KCNMA1: variants seen among roughly 807,000 people sequenced by gnomAD.
KCNMA1 encodes Calcium-activated potassium channel subunit alpha-1.
In KCNMA1, 29 loss-of-function variants were observed where a neutral mutation model predicts 140.0. The observed-to-expected ratio is 0.21, with a 90% CI of 0.15 to 0.28. KCNMA1 has a LOEUF of 0.28. Among genes scored for constraint, KCNMA1 ranks in the 10% least tolerant of loss-of-function variants. The pLI is 1.00. For synonymous variants in KCNMA1, 612 were observed against 611.9 expected (o/e 1.00, Z 0.00); for missense variants, 880 against 1,602.2 (o/e 0.55, Z 7.70).
At chr10:77,561,196 T>C (rs2066277070) in intron 1 of KCNMA1, among the ~76,000 whole-genome samples, 1 of 152,120 alleles carries the variant, frequency 6.6e-6, no homozygotes, top group South Asian at 2.1e-4. Context: ...TTGTCAAGCA[T>C]TGTGCTATGG....
chr10:77,124,527 AG>A (rs1168819981), intron 5 of KCNMA1, among the ~76,000 whole-genome samples: 10 of 152,094 alleles, frequency 6.6e-5, no homozygotes, highest in African/African-American at 2.4e-4. Context: ...ACTGGCTTGC[AG>A]GAGAATCATT....
intron 18 of KCNMA1, among the ~76,000 whole-genome samples, chr10:77,009,792 C>T (rs1159276107): frequency 1.3e-5 from 2 of 152,274 alleles, no homozygotes; most frequent in East Asian, 3.9e-4. Flanking sequence ...TTGGCCTCAA[C>T]ATCACCCCTG....
chr10:77,496,676 A>T (rs144632091), intron 1 of KCNMA1, among the ~76,000 whole-genome samples: 1 of 142,106 alleles, frequency 7.0e-6, no homozygotes, highest in Admixed American at 7.0e-5. Context: ...GCTATATACC[A>T]TGTTTGTTTA....
intron 1 of KCNMA1, among the ~76,000 whole-genome samples, chr10:77,574,813 A>G (rs1307628049): frequency 1.3e-5 from 2 of 152,176 alleles, no homozygotes; most frequent in Non-Finnish European, 2.9e-5. Context: ...GTGCCATATA[A>G]TTTTGCCTCT....
intron 1 of KCNMA1, among the ~76,000 whole-genome samples, chr10:77,408,460 G>A (rs1012645270): frequency 1.1e-4 from 17 of 151,732 alleles, no homozygotes; most frequent in Non-Finnish European, 2.1e-4. Context: ...GTGTGTGTGC[G>A]TTTGTGTGCA....
Position 77,448,888 on chromosome 10 carries a change from A to T in KCNMA1, c.379-44865T>A, listed in dbSNP as rs2097577800. On this transcript the variant is annotated intron_variant, in intron 1 of 27. Transcript: ENST00000286628. ...CAGATTACGAGGTCAGGAGATCGAG[A>T]CCAGCCAGACTAACATGGTGAAACC... Among the ~76,000 whole-genome samples, 4 of 152,256 alleles carry T rather than the reference A, an allele frequency of 2.6e-5. No individual in the cohort carries two copies. The South Asian group carries it at 8.3e-4, about 32-fold the overall frequency.
intron 14 of KCNMA1, among the ~76,000 whole-genome samples, chr10:77,056,345 A>G (rs945389538): frequency 9.2e-5 from 14 of 152,092 alleles, no homozygotes; most frequent in Middle Eastern, 3.2e-3. Flanking sequence ...GCACCACTGC[A>G]CTCCAGCTTG....
At chr10:76,879,394 T>C (rs2033609622) in intron 29 of KCNMA1, among the ~76,000 whole-genome samples, 1 of 152,186 alleles carries the variant, frequency 6.6e-6, no homozygotes, top group Non-Finnish European at 1.5e-5. Flanking sequence ...TCACTTTGAT[T>C]TGAACAGATT....
At chr10:77,221,624 G>A (rs2049704412) in intron 3 of KCNMA1, among the ~76,000 whole-genome samples, 1 of 152,158 alleles carries the variant, frequency 6.6e-6, no homozygotes, top group African/African-American at 2.4e-5. Context: ...ATAAGTGCCT[G>A]TATCAAAACA....
At chr10:77,477,693 C>A (rs1303409045) in intron 1 of KCNMA1, among the ~76,000 whole-genome samples, 1 of 152,194 alleles carries the variant, frequency 6.6e-6, no homozygotes, top group Non-Finnish European at 1.5e-5. Context: ...CTCCTTGTTG[C>A]ACACCTTTCT....
chr10:77,574,084 T>G (rs1271212454), intron 1 of KCNMA1, among the ~76,000 whole-genome samples: 1 of 151,998 alleles, frequency 6.6e-6, no homozygotes, highest in Non-Finnish European at 1.5e-5. Flanking sequence ...GATCCACCCA[T>G]CTTGGCCTCC....
intron 2 of KCNMA1, among the ~76,000 whole-genome samples, chr10:77,336,470 A>C (rs936929597): frequency 2.0e-5 from 3 of 152,238 alleles, no homozygotes; most frequent in African/African-American, 7.2e-5. Flanking sequence ...AAAGAAAAAA[A>C]AAAGAAAAAT....
chr10:77,068,440 C>T (rs1457417092), intron 14 of KCNMA1, among the ~76,000 whole-genome samples: 2 of 152,084 alleles, frequency 1.3e-5, no homozygotes, highest in African/African-American at 2.4e-5. Flanking sequence ...GTGTGTCCAG[C>T]CATATCCACT....
At chr10:77,174,352 T>C (rs554269840) in intron 5 of KCNMA1, among the ~76,000 whole-genome samples, 13 of 152,336 alleles carry the variant, frequency 8.5e-5, no homozygotes, top group African/African-American at 2.6e-4. Flanking sequence ...TTGCTAAGCT[T>C]CCACTATGTG....
At chr10:77,337,101 G>A (rs2089334601) in intron 2 of KCNMA1, among the ~76,000 whole-genome samples, 1 of 152,160 alleles carries the variant, frequency 6.6e-6, no homozygotes, top group African/African-American at 2.4e-5. Context: ...CATCTGTCAC[G>A]TCATTAGATC....
intron 2 of KCNMA1, among the ~76,000 whole-genome samples, chr10:77,320,170 A>AT (rs570954598): frequency 3.3e-5 from 5 of 152,214 alleles, no homozygotes; most frequent in Admixed American, 2.6e-4. Flanking sequence ...TCATCAACAT[A>AT]TTTTTTCTAA....
intron 12 of KCNMA1, among the ~76,000 whole-genome samples, chr10:77,081,760 A>G (rs919292643): frequency 2.0e-5 from 3 of 152,130 alleles, no homozygotes; most frequent in Non-Finnish European, 4.4e-5. Context: ...CCTGCCTTGC[A>G]GTTCACAGCT....
At chr10:77,332,867 C>CATAT (rs2087014337) in intron 2 of KCNMA1, among the ~76,000 whole-genome samples, 1 of 152,226 alleles carries the variant, frequency 6.6e-6, no homozygotes, top group Non-Finnish European at 1.5e-5. Context: ...GCTTATTTAG[C>CATAT]AGTATCTATA....
At chr10:77,219,339 C>T (rs1242020751) in intron 3 of KCNMA1, among the ~76,000 whole-genome samples, 1 of 152,082 alleles carries the variant, frequency 6.6e-6, no homozygotes, top group Non-Finnish European at 1.5e-5. Context: ...GAGCTGACAA[C>T]AAAAAGTTAA....
Sources: gnomAD v4.1 joint callset for allele counts (sites outside exome capture counted in the v4.1 genomes callset) on GRCh38, gnomAD v4.1.1 for gene constraint, MANE v1.5 for transcripts, NCBI Gene and HGNC (gene_info 2026-07-23, HGNC 2026-07-21) for gene names.